Variants in THRB observed in about 807,000 individuals in gnomAD.
THRB encodes the protein thyroid hormone receptor beta, also known as nuclear receptor subfamily 1 group A member 2.
In THRB, 12 loss-of-function variants were observed where a neutral mutation model predicts 47.8. The ratio of observed to expected loss-of-function variants is 0.25; its 90% CI spans 0.16 to 0.41. The LOEUF (loss-of-function observed/expected upper bound fraction) is 0.41, where lower values mean the gene tolerates loss of function less well. Ranked by LOEUF, THRB falls within the 10% of genes least tolerant of loss-of-function variation. The pLI is 1.00. For synonymous variants in THRB, 218 were observed against 212.2 expected (o/e 1.03, Z -0.24); for missense variants, 348 against 589.2 (o/e 0.59, Z 4.24).
intron 1 of THRB, among the ~76,000 whole-genome samples, chr3:24,464,909 T>A (rs1053425552): frequency 1.3e-5 from 2 of 152,184 alleles, no homozygotes; most frequent in African/African-American, 4.8e-5. Context: ...GTTATAGTAG[T>A]TAAGTTCTGT....
intron 1 of THRB, among the ~76,000 whole-genome samples, chr3:24,472,732 T>C (rs953893863): frequency 6.6e-6 from 1 of 152,154 alleles, no homozygotes; most frequent in Non-Finnish European, 1.5e-5. Flanking sequence ...AGTTGAGTAA[T>C]AATGGAAGGG....
intron 1 of THRB, among the ~76,000 whole-genome samples, chr3:24,342,758 T>C (rs527471127): frequency 2.0e-5 from 3 of 151,924 alleles, no homozygotes; most frequent in African/African-American, 7.2e-5. Flanking sequence ...TCCTTAAAAA[T>C]AAGAGAATCA....
intron 9 of THRB, among the ~76,000 whole-genome samples, chr3:24,130,497 G>T (rs1036046609): frequency 6.6e-6 from 1 of 152,168 alleles, no homozygotes; most frequent in Admixed American, 6.5e-5. Context: ...TGACTGGCAG[G>T]CTGGCTAGAG....
intron 3 of THRB, among the ~76,000 whole-genome samples, chr3:24,258,686 T>TA (rs1423898439): frequency 6.6e-6 from 1 of 151,510 alleles, no homozygotes; most frequent in Non-Finnish European, 1.5e-5. Context: ...TTACTTTGAA[T>TA]ACCAACAGCT....
At chr3:24,433,163 T>C (rs1252472100) in intron 1 of THRB, among the ~76,000 whole-genome samples, 5 of 152,128 alleles carry the variant, frequency 3.3e-5, no homozygotes, top group African/African-American at 1.2e-4. Flanking sequence ...ATGGGAATAA[T>C]AACAATACCT....
rs565078927 is a variant in THRB, at chr3:24,476,606, T to C, written c.-261+18046A>G. Among the ~76,000 whole-genome samples the C allele has an allele frequency of 7.2e-5, 11 of 152,316 alleles. No homozygotes were observed. The South Asian group carries it at 1.9e-3, about 26-fold the overall frequency. ...GAACCGCACTACCAATTTGGGAACA[T>C]CCTGTGTCTCCCATAACCTGGCGAA... On this transcript the variant is annotated intron_variant, in intron 1 of 10. Transcript: ENST00000646209.
rs956720656 is a variant in THRB at position 24,133,308 on chromosome 3, A to G, written c.885+8T>C. 2 of 1,613,890 alleles carry G rather than the reference A, an allele frequency of 1.2e-6. No individual in the cohort carries two copies. Among genetic ancestry groups the G allele is most frequent in the African/African-American group, 2.7e-5 (2 of 74,926 alleles). ...AGAATAATGCAGAAGGAAAAACAAC[A>G]TCCTCACCTCACAAAACATAGGCAA... On this transcript the variant is annotated splice_region_variant and intron_variant, in intron 9 of 10. Transcript: ENST00000646209.
chr3:24,407,483 A>T (rs1375978891), intron 1 of THRB, among the ~76,000 whole-genome samples: 1 of 151,778 alleles, frequency 6.6e-6, no homozygotes, highest in Non-Finnish European at 1.5e-5. Context: ...AATTCTAGTG[A>T]GTTAGTGTGA....
chr3:24,387,676 T>C (rs2066235825), intron 1 of THRB, among the ~76,000 whole-genome samples: 2 of 152,152 alleles, frequency 1.3e-5, no homozygotes, highest in South Asian at 4.1e-4. Context: ...GAGTGCATCA[T>C]TACATTCCAT....
rs551249809 is a variant in THRB, at chr3:24,117,184, C to T, written c.*5700G>A. On this transcript the variant is annotated 3_prime_UTR_variant, in exon 11 of 11. Coordinates refer to ENST00000646209, the MANE Select transcript of THRB (RefSeq NM_001354712.2). Reference sequence around the variant, plus strand: ...TGGAAGGTGTTTATTTGGTTCATGTCCTGGCCAAATAAAAACTTGGAGATG... The same window carrying T: ...TGGAAGGTGTTTATTTGGTTCATGTTCTGGCCAAATAAAAACTTGGAGATG... 3.3e-5 allele frequency: 5 copies of T among 152,306 alleles called. No individual in the cohort carries two copies. Among genetic ancestry groups the T allele is most frequent in the African/African-American group, 9.6e-5 (4 of 41,552 alleles). 9.4% of individuals were successfully genotyped at this position (152,306 alleles called of 1,614,324 possible). A position where few individuals can be genotyped will look rare whatever the true frequency, so the allele number is the denominator to read the frequency against.
chr3:24,317,068 G>A (rs2058167125), intron 2 of THRB, among the ~76,000 whole-genome samples: 1 of 152,182 alleles, frequency 6.6e-6, no homozygotes, highest in African/African-American at 2.4e-5. Flanking sequence ...TCACCCACCA[G>A]GCAGTTGCTC....
chr3:24,308,784 A>G (rs1490156482), intron 2 of THRB, among the ~76,000 whole-genome samples: 1 of 152,124 alleles, frequency 6.6e-6, no homozygotes, highest in Non-Finnish European at 1.5e-5. Context: ...TTCTATAATT[A>G]TTTGAATTGG....
intron 1 of THRB, among the ~76,000 whole-genome samples, chr3:24,424,731 C>A (rs2069592118): frequency 6.6e-6 from 1 of 151,814 alleles, no homozygotes; most frequent in African/African-American, 2.4e-5. Context: ...AGCCTAGTAG[C>A]AAAACTTCAA....
intron 8 of THRB, among the ~76,000 whole-genome samples, chr3:24,134,041 A>C (rs1293816468): frequency 6.6e-6 from 1 of 152,200 alleles, no homozygotes; most frequent in Non-Finnish European, 1.5e-5. Flanking sequence ...TGTCTACAGG[A>C]AACTTGGCAA....
intron 5 of THRB, among the ~76,000 whole-genome samples, chr3:24,165,823 G>C (rs2039575354): frequency 6.6e-6 from 1 of 152,082 alleles, no homozygotes; most frequent in Admixed American, 6.6e-5. Context: ...ATGTCATTTT[G>C]GTTGACAGCT....
intron 4 of THRB, among the ~76,000 whole-genome samples, chr3:24,198,925 G>C (rs952898250): frequency 1.3e-5 from 2 of 152,152 alleles, no homozygotes; most frequent in African/African-American, 4.8e-5. Context: ...TGAGGATAGA[G>C]TGGATGAGAA....
intron 2 of THRB, among the ~76,000 whole-genome samples, chr3:24,321,375 T>G (rs942224529): frequency 1.3e-5 from 2 of 152,170 alleles, no homozygotes; most frequent in Non-Finnish European, 2.9e-5. Flanking sequence ...GGTTTATGAA[T>G]TTTTGAAAGA....
intron 5 of THRB, chr3:24,164,924 T>C: frequency 1.6e-6 from 1 of 612,530 alleles, no homozygotes; most frequent in Non-Finnish European, 2.9e-6. Context: ...ATATTTAGCG[T>C]TCAAATTCAA....
chr3:24,173,855 C>T (rs2040773687), intron 5 of THRB, among the ~76,000 whole-genome samples: 1 of 152,122 alleles, frequency 6.6e-6, no homozygotes, highest in Admixed American at 6.5e-5. Flanking sequence ...CTTGTGCCTT[C>T]CAGACCTGCA....
Sources: gnomAD v4.1 joint callset for allele counts (sites outside exome capture counted in the v4.1 genomes callset) on GRCh38, gnomAD v4.1.1 for gene constraint, MANE v1.5 for transcripts, NCBI Gene and HGNC (gene_info 2026-07-23, HGNC 2026-07-21) for gene names.